C1orf21: variants seen among roughly 807,000 people sequenced by gnomAD.
The protein encoded by C1orf21 is uncharacterized protein C1orf21.
C1orf21 carries 3 observed loss-of-function variants against 18.7 expected under a neutral mutation model. That is an observed-to-expected ratio of 0.16 (90% CI 0.07 to 0.42). The LOEUF (loss-of-function observed/expected upper bound fraction) is 0.42. C1orf21 is among the 10% of genes least tolerant of loss of function. C1orf21 has a pLI of 0.99. For synonymous variants in C1orf21, 41 were observed against 46.4 expected, an observed-to-expected ratio of 0.88 and a Z score of 0.47; for missense variants, 104 against 143.6, an observed-to-expected ratio of 0.72 and a Z score of 1.41.
At chr1:184,485,427 T>C (rs1657718847) in intron 2 of C1orf21, among the ~76,000 whole-genome samples, 1 of 152,202 alleles carries the variant, frequency 6.6e-6, no homozygotes, top group Admixed American at 6.5e-5. Flanking sequence ...GCATTAAAAG[T>C]ACACACATAA....
At chr1:184,587,551 TGTG>T (rs2101997726) in intron 3 of C1orf21, among the ~76,000 whole-genome samples, 1 of 147,698 alleles carries the variant, frequency 6.8e-6, no homozygotes, top group African/African-American at 2.6e-5. Context: ...TGTGTGTGTG[TGTG>T]TGTGTGTGTG....
chr1:184,410,663 A>ATATATATTTTTT (rs67546366), intron 1 of C1orf21, among the ~76,000 whole-genome samples: 2 of 7,674 alleles, frequency 2.6e-4, no homozygotes, highest in Non-Finnish European at 3.8e-4. Context: ...ATATATATAT[A>ATATATATTTTTT]TTTTTTTTTT....
At chr1:184,421,845 T>A (rs1656551097) in intron 1 of C1orf21, among the ~76,000 whole-genome samples, 1 of 152,024 alleles carries the variant, frequency 6.6e-6, no homozygotes. Context: ...TGGTAATTAG[T>A]ATAACAAATA....
intron 1 of C1orf21, among the ~76,000 whole-genome samples, chr1:184,457,929 G>A (rs1657246040): frequency 6.6e-6 from 1 of 152,118 alleles, no homozygotes; most frequent in African/African-American, 2.4e-5. Context: ...CCTACTACGT[G>A]CTTGGCATCA....
intron 3 of C1orf21, among the ~76,000 whole-genome samples, chr1:184,568,200 C>T (rs374188648): frequency 3.6e-4 from 55 of 152,202 alleles, no homozygotes; most frequent in Non-Finnish European, 4.3e-4. Flanking sequence ...CATACACACA[C>T]AAAAAATTGT....
At chr1:184,537,328 A>G (rs1423164569) in intron 3 of C1orf21, among the ~76,000 whole-genome samples, 3 of 151,774 alleles carry the variant, frequency 2.0e-5, no homozygotes, top group African/African-American at 7.3e-5. Flanking sequence ...CCACCATTCT[A>G]TTTTCTGTCT....
chr1:184,472,123 T>G (rs149526591), intron 1 of C1orf21, among the ~76,000 whole-genome samples: 1 of 152,156 alleles, frequency 6.6e-6, no homozygotes, highest in East Asian at 1.9e-4. Context: ...ACAGACTGAT[T>G]AGTTATTTAT....
chr1:184,458,556 G>A (rs548308000), intron 1 of C1orf21, among the ~76,000 whole-genome samples: 58 of 152,262 alleles, frequency 3.8e-4, no homozygotes, highest in African/African-American at 1.3e-3. Flanking sequence ...ATAGTAAATG[G>A]ATATGGTTTC....
chr1:184,586,498 T>C (rs1371314499), intron 3 of C1orf21, among the ~76,000 whole-genome samples: 2 of 152,058 alleles, frequency 1.3e-5, no homozygotes, highest in Non-Finnish European at 2.9e-5. Context: ...TTAGCCAGGA[T>C]GGTCTGGATC....
chr1:184,524,144 C>T (rs1434742073), intron 3 of C1orf21, among the ~76,000 whole-genome samples: 1 of 152,056 alleles, frequency 6.6e-6, no homozygotes, highest in Non-Finnish European at 1.5e-5. Context: ...TGTTTATAAG[C>T]TGGAGTGTAA....
chr1:184,494,330 G>A (rs1394991032), intron 2 of C1orf21, among the ~76,000 whole-genome samples: 1 of 152,122 alleles, frequency 6.6e-6, no homozygotes. Context: ...GTCCAGGGCC[G>A]GACTGTACTG....
intron 1 of C1orf21, among the ~76,000 whole-genome samples, chr1:184,399,963 A>C (rs111620412): frequency 0.025 from 3,759 of 152,230 alleles, 162 homozygotes; most frequent in African/African-American, 0.085. Flanking sequence ...TATTTAAACC[A>C]ATATCAGAAA....
intron 3 of C1orf21, among the ~76,000 whole-genome samples, chr1:184,575,816 A>G (rs888322310): frequency 2.0e-5 from 3 of 152,028 alleles, no homozygotes; most frequent in Non-Finnish European, 4.4e-5. Context: ...CAACCCCTTA[A>G]TACAGTGTAG....
intron 1 of C1orf21, among the ~76,000 whole-genome samples, chr1:184,415,385 A>T (rs1045830729): frequency 6.6e-6 from 1 of 152,212 alleles, no homozygotes; most frequent in African/African-American, 2.4e-5. Flanking sequence ...ATCTAGGAAG[A>T]TAATTGAAGC....
At chr1:184,516,574 G>A (rs1658231996) in intron 3 of C1orf21, among the ~76,000 whole-genome samples, 1 of 152,212 alleles carries the variant, frequency 6.6e-6, no homozygotes, top group Non-Finnish European at 1.5e-5. Flanking sequence ...CACAATCATG[G>A]CAGAAGGCAA....
chr1:184,546,975 GGA>G (rs1249961691), intron 3 of C1orf21, among the ~76,000 whole-genome samples: 4 of 152,202 alleles, frequency 2.6e-5, no homozygotes, highest in Non-Finnish European at 1.5e-5. Context: ...CTGATCTGGA[GGA>G]TCAGGGAAGG....
At chr1:184,610,642 C>A (rs1659720383) in intron 5 of C1orf21, among the ~76,000 whole-genome samples, 1 of 152,052 alleles carries the variant, frequency 6.6e-6, no homozygotes, top group African/African-American at 2.4e-5. Context: ...GTCAAGAGAT[C>A]GAGACCATCC....
chr1:184,542,339 TA>T (rs1213154424), intron 3 of C1orf21, among the ~76,000 whole-genome samples: 2 of 152,174 alleles, frequency 1.3e-5, no homozygotes, highest in African/African-American at 4.8e-5. Flanking sequence ...GAGGAAAACT[TA>T]AACACTTAGG....
chr1:184,537,736 C>T lies in C1orf21; in HGVS notation c.189+30054C>T, dbSNP rs147894452. Among the ~76,000 whole-genome samples the T allele has an allele frequency of 1.8e-3, 267 of 152,166 alleles. 1 individual carries two copies. Among genetic ancestry groups the T allele is most frequent in the African/African-American group, 5.9e-3 (246 of 41,526 alleles). ...TGTGATCTTGGCTCACCGCAACCTC[C>T]GCCTCCCGGGTTCAAGCTACTCTCC... On this transcript the variant is annotated intron_variant, in intron 3 of 5. Transcript: ENST00000235307.
Sources: allele counts gnomAD v4.1 joint callset (sites outside exome capture counted in the v4.1 genomes callset), GRCh38; gene constraint gnomAD v4.1.1; transcripts MANE v1.5; gene names NCBI Gene and HGNC (gene_info 2026-07-23, HGNC 2026-07-21).